Variants in MIPEP observed in about 807,000 individuals in gnomAD.
MIPEP encodes the protein mitochondrial intermediate peptidase.
In MIPEP, 79 loss-of-function variants were observed where a neutral mutation model predicts 90.3. The observed-to-expected ratio is 0.87, with a 90% CI of 0.73 to 1.05. The LOEUF (loss-of-function observed/expected upper bound fraction) is 1.05. Among genes scored for constraint, MIPEP ranks in the 50% least tolerant of loss-of-function variants. The probability of loss-of-function intolerance (pLI) is 0.00; values close to 1 mark genes in which losing one functional copy is unlikely to be tolerated. For synonymous variants in MIPEP, 334 were observed against 315.8 expected (o/e 1.06, Z -0.61); for missense variants, 940 against 905.6 (o/e 1.04, Z -0.49).
intron 7 of MIPEP, among the ~76,000 whole-genome samples, chr13:23,865,118 A>T (rs1174519136): frequency 6.6e-6 from 1 of 152,200 alleles, no homozygotes; most frequent in African/African-American, 2.4e-5. Context: ...AAACCCATAA[A>T]GGCAGTGCAG....
intron 10 of MIPEP, among the ~76,000 whole-genome samples, chr13:23,857,983 AG>A (rs1472766164): frequency 2.0e-5 from 3 of 152,272 alleles, no homozygotes; most frequent in Middle Eastern, 6.8e-3. Context: ...TGCTTTAATG[AG>A]GAAAAAAAAA....
At chr13:23,868,391 T>C (rs1870634390) in intron 7 of MIPEP, among the ~76,000 whole-genome samples, 1 of 151,776 alleles carries the variant, frequency 6.6e-6, no homozygotes, top group Admixed American at 6.6e-5. Flanking sequence ...AGAAGTAAGA[T>C]TGAGTGCATT....
At chr13:23,760,257 G>C in intron 16 of MIPEP, 40 bp from the exon 17 acceptor site, 1 of 1,613,388 alleles carries the variant, frequency 6.2e-7, no homozygotes, top group Non-Finnish European at 8.5e-7. Context: ...ACACAAGTCA[G>C]TTTCCACTTG....
In MIPEP at chr13:23,858,976, G is replaced by A. The variant is rs1051099991; in HGVS notation, c.1054-64C>T. The A allele has an allele frequency of 1.9e-5, 26 of 1,339,318 alleles. No individual in the cohort carries two copies. The African/African-American group carries it at 2.3e-4, about 12-fold the overall frequency. 83.0% of individuals were successfully genotyped at this position (1,339,318 alleles called of 1,614,324 possible). A position where few individuals can be genotyped will look rare whatever the true frequency, so the allele number is the denominator to read the frequency against. On this transcript the variant is annotated intron_variant, in intron 9 of 18. Transcript: ENST00000382172. Reference sequence around the variant, plus strand: ...CTCTTTCATAGTTTTTATCAGCAACGTGGCCAGCCTATAGAATGTAAACCA... The same window carrying A: ...CTCTTTCATAGTTTTTATCAGCAACATGGCCAGCCTATAGAATGTAAACCA...
intron 4 of MIPEP, 72 bp from the exon 5 acceptor site, chr13:23,874,981 TAA>T (rs1871003437): frequency 7.5e-7 from 1 of 1,339,526 alleles, no homozygotes; most frequent in Non-Finnish European, 1.0e-6. Context: ...GGTTTTTTGT[TAA>T]ATAAATAAGT....
chr13:23,770,273 C>A (rs1952634490), intron 16 of MIPEP, among the ~76,000 whole-genome samples: 1 of 152,158 alleles, frequency 6.6e-6, no homozygotes, highest in African/African-American at 2.4e-5. Context: ...CTTGCTGGTC[C>A]AGTAGCCTCC....
intron 16 of MIPEP, among the ~76,000 whole-genome samples, chr13:23,796,591 A>C (rs1175000713): frequency 6.6e-6 from 1 of 151,904 alleles, no homozygotes; most frequent in Non-Finnish European, 1.5e-5. Flanking sequence ...CTAAAAAAAA[A>C]AAACAAAAAA....
chr13:23,762,148 T>A (rs7326663), intron 16 of MIPEP, among the ~76,000 whole-genome samples: 149,609 of 151,528 alleles, frequency 0.99, 73,891 homozygotes, highest in East Asian at 1. Context: ...AATTAAAAAA[T>A]AAATAAACAA....
At chr13:23,823,635 G>A (rs1026038052) in intron 14 of MIPEP, among the ~76,000 whole-genome samples, 6 of 152,166 alleles carry the variant, frequency 3.9e-5, no homozygotes, top group Admixed American at 1.3e-4. Flanking sequence ...TCGAGAACAG[G>A]CTGGGCAACA....
intron 4 of MIPEP, among the ~76,000 whole-genome samples, chr13:23,878,266 C>G (rs1188742621): frequency 6.6e-6 from 1 of 152,240 alleles, no homozygotes; most frequent in Non-Finnish European, 1.5e-5. Context: ...ACACAGCTAG[C>G]TTCACTAGTG....
At chr13:23,814,529 G>A (rs1953212902) in intron 14 of MIPEP, among the ~76,000 whole-genome samples, 1 of 152,136 alleles carries the variant, frequency 6.6e-6, no homozygotes, top group Non-Finnish European at 1.5e-5. Flanking sequence ...CCAAAGTGCT[G>A]GGATTACAGG....
In MIPEP at chr13:23,759,993, C is replaced by T. The variant is rs539269421; in HGVS notation, c.1970+103G>A. On this transcript the variant is annotated intron_variant, in intron 17 of 18. Coordinates refer to ENST00000382172, the MANE Select transcript of MIPEP (RefSeq NM_005932.4). Reference sequence around the variant, plus strand: ...GCCTGCCACTTTCTGCCAGGTTTGGCTGTGTTATGTGGGCTGCAGTTCTCG... The same window carrying T: ...GCCTGCCACTTTCTGCCAGGTTTGGTTGTGTTATGTGGGCTGCAGTTCTCG... The T allele has an allele frequency of 5.5e-6, 8 of 1,446,212 alleles. No individual in the cohort carries two copies. The African/African-American group carries it at 7.0e-5, about 13-fold the overall frequency. The allele number at this position is 1,446,212 out of a possible 1,614,324, so 89.6% of individuals were successfully genotyped here.
At chr13:23,872,743 T>C (rs983647451) in intron 5 of MIPEP, among the ~76,000 whole-genome samples, 2 of 152,172 alleles carry the variant, frequency 1.3e-5, no homozygotes, top group African/African-American at 4.8e-5. Context: ...ATATGTTAGA[T>C]AAAAGCGGCA....
At chr13:23,776,884 A>G (rs1952723695) in intron 16 of MIPEP, among the ~76,000 whole-genome samples, 1 of 152,080 alleles carries the variant, frequency 6.6e-6, no homozygotes. Context: ...GTAACTTTAG[A>G]TTTGTGGTAC....
chr13:23,883,647 T>C (rs552752973), intron 2 of MIPEP, among the ~76,000 whole-genome samples: 1 of 152,348 alleles, frequency 6.6e-6, no homozygotes, highest in East Asian at 1.9e-4. Flanking sequence ...GAAAAGAAAG[T>C]CTGTACATGT....
At chr13:23,856,522 C>T (rs1229325859) in intron 10 of MIPEP, among the ~76,000 whole-genome samples, 1 of 152,096 alleles carries the variant, frequency 6.6e-6, no homozygotes, top group Non-Finnish European at 1.5e-5. Flanking sequence ...TGGGTTAATG[C>T]AAATTGGGGG....
chr13:23,856,526 T>C (rs1044370462), intron 10 of MIPEP, among the ~76,000 whole-genome samples: 3 of 152,102 alleles, frequency 2.0e-5, no homozygotes, highest in African/African-American at 7.2e-5. Context: ...TTAATGCAAA[T>C]TGGGGGTAGA....
At chr13:23,818,558 T>C (rs1953269773) in intron 14 of MIPEP, among the ~76,000 whole-genome samples, 1 of 152,076 alleles carries the variant, frequency 6.6e-6, no homozygotes, top group African/African-American at 2.4e-5. Context: ...GGAACTGCCA[T>C]ATAGTCTGAT....
chr13:23,815,313 C>T (rs972861502), intron 14 of MIPEP, among the ~76,000 whole-genome samples: 3 of 83,570 alleles, frequency 3.6e-5, no homozygotes, highest in African/African-American at 4.9e-5. Flanking sequence ...TCCATAGTTT[C>T]CTGATTTTTT....
Sources: gnomAD v4.1 joint callset for allele counts (sites outside exome capture counted in the v4.1 genomes callset) on GRCh38, gnomAD v4.1.1 for gene constraint, MANE v1.5 for transcripts, NCBI Gene and HGNC (gene_info 2026-07-23, HGNC 2026-07-21) for gene names.